The following EIF2AK3 variants were observed in gnomAD, a reference collection of about 807,000 sequenced individuals.
The protein encoded by EIF2AK3 is eukaryotic translation initiation factor 2 alpha kinase 3.
A neutral mutation model predicts 113.5 loss-of-function variants in EIF2AK3; 50 were observed. The observed-to-expected ratio is 0.44, with a 90% CI of 0.35 to 0.56. The LOEUF (loss-of-function observed/expected upper bound fraction) is 0.56. EIF2AK3 is among the 20% of genes least tolerant of loss of function. The pLI, the probability that EIF2AK3 is intolerant of heterozygous loss-of-function variation, is 0.00. For missense variants in EIF2AK3, 1,185 were observed against 1,378.0 expected (o/e 0.86, Z 2.22); for synonymous variants, 448 against 495.4 (o/e 0.90, Z 1.27).
chr2:88,623,987 T>C (rs1675796834), intron 1 of EIF2AK3, among the ~76,000 whole-genome samples: 1 of 152,012 alleles, frequency 6.6e-6, no homozygotes, highest in African/African-American at 2.4e-5. Context: ...GTTCCTTTCA[T>C]TTTCCTTTTC....
At position 88,575,202 on chromosome 2, in the gene EIF2AK3, G is replaced by A. The variant is rs1379109787; in HGVS notation, c.2281C>T (p.Leu761Phe). ...CAGTCTGTAAGGCAACTGTCCTGGA[G>A]GTTGTATGCTGCATCCACTGACTCA... ...ISESVDAAYN[L>F]QDSCLTDCDV... is the part of the protein sequence containing the mutation. The change falls in exon 13 of 17, where the codon CTC becomes TTC. Residue 761 changes from leucine (L) to phenylalanine (F), a missense_variant. Leu to Phe is a conservative substitution (Grantham distance 22). Coordinates refer to ENST00000303236, the MANE Select transcript of EIF2AK3 (RefSeq NM_004836.7). The A allele has an allele frequency of 1.2e-6, 2 of 1,612,926 alleles. No homozygotes were observed. Among genetic ancestry groups the A allele is most frequent in the Admixed American group, 3.3e-5 (2 of 59,928 alleles).
intron 2 of EIF2AK3, among the ~76,000 whole-genome samples, chr2:88,610,371 G>A (rs1456481894): frequency 6.6e-6 from 1 of 152,164 alleles, no homozygotes; most frequent in Non-Finnish European, 1.5e-5. Context: ...AGTGTTCAGA[G>A]TATAAAATGT....
At position 88,588,433 on chromosome 2, in the gene EIF2AK3, A is replaced by G. The variant is rs1199420086; in HGVS notation, c.1306+328T>C. 5.9e-5 allele frequency among the ~76,000 whole-genome samples: 9 copies of G among 152,340 alleles called. No individual in the cohort carries two copies. The East Asian group carries it at 1.7e-3, about 29-fold the overall frequency. On this transcript the variant is annotated intron_variant, in intron 7 of 16. Transcript: ENST00000303236. ...TCAAAGAATATGATGTGCTAACCAG[A>G]TAACTTTTGCCTAAACAGTCTTAAT... is the stretch of plus-strand genomic sequence containing the variant.
chr2:88,611,782 C>T (rs1037161346), intron 2 of EIF2AK3, among the ~76,000 whole-genome samples: 5 of 152,090 alleles, frequency 3.3e-5, no homozygotes, highest in African/African-American at 9.7e-5. Flanking sequence ...AGGGGCCTGC[C>T]ACCACACCTT....
Position 88,575,149 on chromosome 2 carries a change from G to C in EIF2AK3, c.2334C>G (p.Gly778=). 6.2e-7 allele frequency: 1 copy of C among 1,614,068 alleles called. No homozygotes were observed. The highest frequency in any genetic ancestry group is 8.5e-7 in the Non-Finnish European group (1 of 1,179,976). ...DCDVEDGTMD[G]NDEGHSFELC... is the part of the protein sequence containing the mutation. ...GTTCAAAGGAGTGCCCCTCATCATT[G>C]CCATCCATAGTCCCATCTTCCACAT... The change falls in exon 13 of 17, where the codon GGC becomes GGG. Residue 778 remains glycine (G), a synonymous_variant. Coordinates refer to ENST00000303236, the MANE Select transcript of EIF2AK3 (RefSeq NM_004836.7).
At chr2:88,594,920 A>T (rs1366070673) in intron 3 of EIF2AK3, among the ~76,000 whole-genome samples, 1 of 151,366 alleles carries the variant, frequency 6.6e-6, no homozygotes, top group Non-Finnish European at 1.5e-5. Context: ...GAGGCTGGGC[A>T]TGGTGGCTCC....
chr2:88,621,072 A>AT (rs1200565545), intron 1 of EIF2AK3, among the ~76,000 whole-genome samples: 1 of 152,222 alleles, frequency 6.6e-6, no homozygotes, highest in East Asian at 1.9e-4. Flanking sequence ...TTTTTAACTC[A>AT]TTATTCTGTT....
chr2:88,625,325 AC>A (rs1675833821), intron 1 of EIF2AK3, among the ~76,000 whole-genome samples: 4 of 146,372 alleles, frequency 2.7e-5, no homozygotes, highest in Non-Finnish European at 6.1e-5. Context: ...ACACACACAC[AC>A]AGACATACAC....
At chr2:88,606,464 A>G (rs1675281979) in intron 2 of EIF2AK3, among the ~76,000 whole-genome samples, 1 of 151,116 alleles carries the variant, frequency 6.6e-6, no homozygotes, top group African/African-American at 2.4e-5. Flanking sequence ...TTCTATAATT[A>G]AAAGAAAAGC....
At chr2:88,595,728 C>A in intron 2 of EIF2AK3, 65 bp from the exon 3 acceptor site, 1 of 1,436,566 alleles carries the variant, frequency 7.0e-7, no homozygotes, top group East Asian at 2.4e-5. Context: ...CTTATTTCTC[C>A]CAGAAAAATA....
intron 14 of EIF2AK3, among the ~76,000 whole-genome samples, chr2:88,565,444 G>A (rs995728161): frequency 1.3e-5 from 2 of 151,224 alleles, no homozygotes; most frequent in Non-Finnish European, 2.9e-5. Context: ...AGCCTCAAGC[G>A]ATCCTTTCTA....
intron 15 of EIF2AK3, among the ~76,000 whole-genome samples, chr2:88,559,540 G>GTGTGTA (rs1673882479): frequency 2.7e-5 from 4 of 150,492 alleles, no homozygotes; most frequent in Admixed American, 1.3e-4. Context: ...GTGTGTGTGT[G>GTGTGTA]TGTATGTACA....
intron 2 of EIF2AK3, among the ~76,000 whole-genome samples, chr2:88,605,463 G>T (rs375211979): frequency 2.6e-5 from 4 of 152,006 alleles, no homozygotes; most frequent in Non-Finnish European, 4.4e-5. Context: ...TAAAAACAAG[G>T]CCTCAAAACC....
chr2:88,557,869 T>G lies in EIF2AK3; in HGVS notation c.3218A>C (p.Glu1073Ala). Residue 1073 changes from glutamate to alanine, a missense_variant, in exon 17 of 17, where the codon GAA becomes GCA. Physicochemically the swap from Glu to Ala is moderately radical, Grantham distance 107. Around this residue, in one of 3 missense-constraint regions of EIF2AK3, gnomAD observed 877 missense variants for 1,024.2 expected, o/e 0.86. Transcript: ENST00000303236. Reference sequence around the variant, plus strand: ...GTCCAAGTCCTCAAATACAGCATTTTCAATGATGTTTATAGCTTCAGGTCG... The same window carrying G: ...GTCCAAGTCCTCAAATACAGCATTTGCAATGATGTTTATAGCTTCAGGTCG... Reference protein sequence around the residue: ...MERPEAINIIENAVFEDLDFP... With the variant: ...MERPEAINIIANAVFEDLDFP... 1 of 1,614,134 alleles carries G rather than the reference T, an allele frequency of 6.2e-7. No individual in the cohort carries two copies. The highest frequency in any genetic ancestry group is 8.5e-7 in the Non-Finnish European group (1 of 1,179,974).
intron 2 of EIF2AK3, among the ~76,000 whole-genome samples, chr2:88,604,449 G>A (rs1270049782): frequency 6.6e-6 from 1 of 152,136 alleles, no homozygotes; most frequent in African/African-American, 2.4e-5. Context: ...TACAAGAGAG[G>A]CCTTCTTTGA....
At chr2:88,596,126 T>A (rs558647937) in intron 2 of EIF2AK3, among the ~76,000 whole-genome samples, 1 of 152,334 alleles carries the variant, frequency 6.6e-6, no homozygotes, top group East Asian at 1.9e-4. Flanking sequence ...TCTAGGGCTA[T>A]TTTTATCAAG....
chr2:88,593,857 A>G, intron 3 of EIF2AK3: 1 of 996,196 alleles, frequency 1.0e-6, no homozygotes, highest in Non-Finnish European at 1.2e-6. Context: ...AATTTTCACT[A>G]AAGAAAAAAG....
chr2:88,586,035 T>C lies in EIF2AK3; in HGVS notation c.1456A>G (p.Lys486Glu). ...GTGCTTCGTTTGTTCCTCTCCCTCT[T>C]GTAGTATGGTAGATAATAACCATTA... Reference protein sequence around the residue: ...YDNGYYLPYYKRERNKRSTQI... With the variant: ...YDNGYYLPYYERERNKRSTQI... Residue 486 changes from lysine (K) to glutamate (E), a missense_variant, in exon 9 of 17, where the codon AAG becomes GAG. Coordinates refer to ENST00000303236, the MANE Select transcript of EIF2AK3 (RefSeq NM_004836.7). 1 of 1,614,092 alleles carries C rather than the reference T, an allele frequency of 6.2e-7. No homozygotes were observed. The highest frequency in any genetic ancestry group is 8.5e-7 in the Non-Finnish European group (1 of 1,179,966).
At chr2:88,591,197 A>G (rs1674881058) in intron 4 of EIF2AK3, 145 bp from the exon 5 acceptor site, 1 of 773,222 alleles carries the variant, frequency 1.3e-6, no homozygotes, top group Non-Finnish European at 2.1e-6. Context: ...AGAGTGCTCT[A>G]CTGATTTATG....
Sources: gnomAD v4.1 joint callset for allele counts (sites outside exome capture counted in the v4.1 genomes callset) on GRCh38, gnomAD v4.1.1 for gene constraint, gnomAD v4.1.1 regional missense constraint, MANE v1.5 for transcripts, NCBI Gene and HGNC (gene_info 2026-07-23, HGNC 2026-07-21) for gene names.